The following DIS3L2 variants were observed in gnomAD, a reference collection of about 807,000 sequenced individuals.
DIS3L2 encodes the protein DIS3-like exonuclease 2.
In DIS3L2, 34 loss-of-function variants were observed where a neutral mutation model predicts 97.5. That is an observed-to-expected ratio of 0.35 (90% confidence interval 0.27 to 0.46). DIS3L2 has a LOEUF of 0.46. Among genes scored for constraint, DIS3L2 ranks in the 20% least tolerant of loss-of-function variants. The pLI, the probability that DIS3L2 is intolerant of heterozygous loss-of-function variation, is 1.00. For missense variants in DIS3L2, 1,038 were observed against 1,146.0 expected, an observed-to-expected ratio of 0.91 and a Z score of 1.36; for synonymous variants, 435 against 445.2, an observed-to-expected ratio of 0.98 and a Z score of 0.29.
At chr2:232,138,881 A>G (rs1698432864) in intron 8 of DIS3L2, among the ~76,000 whole-genome samples, 2 of 152,168 alleles carry the variant, frequency 1.3e-5, no homozygotes, top group South Asian at 2.1e-4. Context: ...AATTGCTTCT[A>G]ATTATTCAAG....
At chr2:232,315,280 CT>C (rs1345229874) in intron 14 of DIS3L2, among the ~76,000 whole-genome samples, 2 of 152,342 alleles carry the variant, frequency 1.3e-5, no homozygotes, top group South Asian at 2.1e-4. Flanking sequence ...GCAAATGTCT[CT>C]GCTGTAAAAA....
intron 1 of DIS3L2, among the ~76,000 whole-genome samples, chr2:231,981,428 G>A (rs1693252186): frequency 6.6e-6 from 1 of 151,042 alleles, no homozygotes; most frequent in African/African-American, 2.4e-5. Flanking sequence ...AGATGTTCTA[G>A]ATAGTCATTT....
At chr2:232,163,764 C>T in intron 9 of DIS3L2, 132 bp downstream of exon 9, 1 of 1,008,654 alleles carries the variant, frequency 9.9e-7, no homozygotes, top group Non-Finnish European at 1.4e-6. Flanking sequence ...TGCTTCTGTA[C>T]CACAGTTGGC....
chr2:232,157,903 C>T (rs1215603606), intron 8 of DIS3L2, among the ~76,000 whole-genome samples: 4 of 152,188 alleles, frequency 2.6e-5, no homozygotes, highest in African/African-American at 7.2e-5. Context: ...GCCATCCTGC[C>T]TCCACAGTGG....
rs189354361 is a variant in DIS3L2, at chr2:232,032,871, G to A, written c.366+2791G>A. ...CTATATATCTGTTTTGGTACCAGTAGCATGCTGTTTTTATTACTGTAGCCT... is the reference window on the plus strand; with the variant it reads ...CTATATATCTGTTTTGGTACCAGTAACATGCTGTTTTTATTACTGTAGCCT... On this transcript the variant is annotated intron_variant, in intron 5 of 20. Transcript: ENST00000325385. Among the ~76,000 whole-genome samples, 160 of 152,178 alleles carry A rather than the reference G, an allele frequency of 1.1e-3. 1 individual carries two copies. Among genetic ancestry groups the A allele is most frequent in the Admixed American group, 6.2e-3 (94 of 15,272 alleles).
intron 5 of DIS3L2, among the ~76,000 whole-genome samples, chr2:232,036,249 A>T (rs1452407575): frequency 1.3e-5 from 2 of 151,896 alleles, no homozygotes; most frequent in African/African-American, 4.8e-5. Flanking sequence ...TCTTGTCTTC[A>T]TGCTTTATTT....
chr2:232,334,052 G>T, intron 17 of DIS3L2, 65 bp downstream of exon 17: 1 of 1,545,210 alleles, frequency 6.5e-7, no homozygotes, highest in South Asian at 1.2e-5. Flanking sequence ...CCCCACAGTG[G>T]GTGCTCAGTG....
At chr2:232,334,347 A>T in intron 17 of DIS3L2, 22 bp from the exon 18 acceptor site, 1 of 1,610,482 alleles carries the variant, frequency 6.2e-7, no homozygotes, top group Non-Finnish European at 8.5e-7. Flanking sequence ...TCCCACTCTC[A>T]TGCCTCACCC....
intron 13 of DIS3L2, chr2:232,343,211 A>G (rs1575034339): frequency 4.0e-6 from 3 of 747,798 alleles, no homozygotes; most frequent in Non-Finnish European, 6.8e-6. Context: ...TCCTGTCACA[A>G]AAAGGCCATG....
chr2:232,060,548 G>T (rs747544304), intron 5 of DIS3L2, among the ~76,000 whole-genome samples: 5 of 152,018 alleles, frequency 3.3e-5, no homozygotes, highest in Non-Finnish European at 5.9e-5. Context: ...ATACTGTTTT[G>T]GTTACTATAG....
rs370261055 is a variant in DIS3L2 at position 232,333,860 on chromosome 2, G to C, written c.2031G>C (p.Ser677=). ...RPMQMALYFC[S]GLLQDPAQFR... is the part of the protein sequence containing the mutation. Reference sequence around the variant, plus strand: ...CGCAGATGGCACTGTACTTCTGCTCGGGGCTGCTGCAGGACCCAGCGCAGT... The same window carrying C: ...CGCAGATGGCACTGTACTTCTGCTCCGGGCTGCTGCAGGACCCAGCGCAGT... The change falls in exon 17 of 21, where the codon TCG becomes TCC. Residue 677 remains serine, a synonymous_variant. Transcript: ENST00000325385. 2 of 1,612,280 alleles carry C rather than the reference G, an allele frequency of 1.2e-6. No homozygotes were observed. The highest frequency in any genetic ancestry group is 8.5e-7 in the Non-Finnish European group (1 of 1,179,626).
chr2:232,143,867 CA>C (rs1225397415), intron 8 of DIS3L2, among the ~76,000 whole-genome samples: 1 of 152,044 alleles, frequency 6.6e-6, no homozygotes, highest in Admixed American at 6.5e-5. Flanking sequence ...ACCACCATCT[CA>C]AATATACTAA....
At chr2:232,294,996 G>A (rs1465826612) in intron 13 of DIS3L2, among the ~76,000 whole-genome samples, 1 of 152,062 alleles carries the variant, frequency 6.6e-6, no homozygotes, top group Non-Finnish European at 1.5e-5. Flanking sequence ...TGGTCCATAT[G>A]CTGCCGTATT....
At chr2:232,075,850 C>G (rs1053579836) in intron 5 of DIS3L2, among the ~76,000 whole-genome samples, 1 of 152,196 alleles carries the variant, frequency 6.6e-6, no homozygotes, top group African/African-American at 2.4e-5. Flanking sequence ...TAAGCTCCTA[C>G]CATGTTCCAG....
At chr2:232,118,682 A>G (rs1697803490) in intron 6 of DIS3L2, among the ~76,000 whole-genome samples, 1 of 152,224 alleles carries the variant, frequency 6.6e-6, no homozygotes, top group Admixed American at 6.5e-5. Context: ...ATAGCCATAT[A>G]GCATCCATTG....
chr2:232,054,129 G>T (rs1305452849), intron 5 of DIS3L2, among the ~76,000 whole-genome samples: 2 of 152,162 alleles, frequency 1.3e-5, no homozygotes, highest in South Asian at 2.1e-4. Flanking sequence ...AGGAACTGGG[G>T]ATGAAGAACA....
rs529931376 is a variant in DIS3L2, at chr2:232,250,023, G to A, written c.1425+677G>A. 6.6e-5 allele frequency among the ~76,000 whole-genome samples: 10 copies of A among 152,200 alleles called. No homozygotes were observed. In the South Asian group the frequency reaches 1.9e-3, roughly 28 times the overall value. Reference sequence around the variant, plus strand: ...GCCTGTCGTCGGGATGTGCCTATGCGTATCATAGGGAACGGCAGGAGAGAG... The same window carrying A: ...GCCTGTCGTCGGGATGTGCCTATGCATATCATAGGGAACGGCAGGAGAGAG... On this transcript the variant is annotated intron_variant, in intron 12 of 20. Transcript: ENST00000325385.
intron 6 of DIS3L2, among the ~76,000 whole-genome samples, chr2:232,123,662 C>G (rs1176324684): frequency 6.6e-6 from 1 of 152,134 alleles, no homozygotes; most frequent in Non-Finnish European, 1.5e-5. Context: ...GATACACCCT[C>G]CCACTGAAAC....
intron 5 of DIS3L2, among the ~76,000 whole-genome samples, chr2:232,032,271 C>A (rs1694825079): frequency 6.6e-6 from 1 of 152,090 alleles, no homozygotes; most frequent in African/African-American, 2.4e-5. Flanking sequence ...TGTTGATGAC[C>A]TTTTTTTATA....
Sources: allele counts gnomAD v4.1 joint callset (sites outside exome capture counted in the v4.1 genomes callset), GRCh38; gene constraint gnomAD v4.1.1; transcripts MANE v1.5; gene names NCBI Gene and HGNC (gene_info 2026-07-23, HGNC 2026-07-21).